Variants in NKAIN3 observed in about 807,000 individuals in gnomAD.
NKAIN3 encodes sodium/potassium transporting ATPase interacting 3.
Under a neutral mutation model 30.2 loss-of-function variants are expected in NKAIN3, and 25 were observed. That is an observed-to-expected ratio of 0.83 (90% CI 0.60 to 1.16). The LOEUF (loss-of-function observed/expected upper bound fraction) is 1.16. Among genes scored for constraint, NKAIN3 ranks in the 50% most tolerant of loss-of-function variants. The pLI, the probability that NKAIN3 is intolerant of heterozygous loss-of-function variation, is 0.00. For missense variants in NKAIN3, 225 were observed against 254.1 expected (o/e 0.89, Z 0.78); for synonymous variants, 91 against 89.6 (o/e 1.02, Z -0.09).
chr8:62,775,355 A>T (rs1219949635), intron 4 of NKAIN3, among the ~76,000 whole-genome samples: 1 of 151,856 alleles, frequency 6.6e-6, no homozygotes, highest in African/African-American at 2.4e-5. Flanking sequence ...CAAAAAACAA[A>T]ATTTTCATTT....
intron 1 of NKAIN3, among the ~76,000 whole-genome samples, chr8:62,268,150 C>T (rs998707327): frequency 6.6e-6 from 1 of 152,168 alleles, no homozygotes; most frequent in Non-Finnish European, 1.5e-5. Flanking sequence ...TGATGTTTCT[C>T]AGGTTCCCTT....
intron 1 of NKAIN3, among the ~76,000 whole-genome samples, chr8:62,566,414 T>C (rs1344776659): frequency 5.9e-5 from 9 of 152,020 alleles, no homozygotes; most frequent in Non-Finnish European, 1.2e-4. Context: ...ACCTTTGTAC[T>C]CCTAGTGCTT....
intron 1 of NKAIN3, among the ~76,000 whole-genome samples, chr8:62,499,264 C>T (rs1055708472): frequency 2.6e-4 from 40 of 151,960 alleles, no homozygotes; most frequent in African/African-American, 8.9e-4. Context: ...AGTAACTGTA[C>T]TTTCTGTTCT....
At chr8:62,642,142 A>G (rs1180589829) in intron 3 of NKAIN3, among the ~76,000 whole-genome samples, 1 of 152,126 alleles carries the variant, frequency 6.6e-6, no homozygotes. Flanking sequence ...TAACGATGAC[A>G]AAAACAATGC....
chr8:62,596,029 A>T (rs1810821752), intron 3 of NKAIN3, among the ~76,000 whole-genome samples: 1 of 152,086 alleles, frequency 6.6e-6, no homozygotes, highest in Admixed American at 6.6e-5. Context: ...ACAGGCCCTG[A>T]CTATATGCTT....
chr8:62,303,617 TTATC>T (rs1168518275), intron 1 of NKAIN3, among the ~76,000 whole-genome samples: 2 of 150,644 alleles, frequency 1.3e-5, no homozygotes, highest in Non-Finnish European at 2.9e-5. Context: ...CTTTATTGCT[TTATC>T]TATCAAGTTG....
At chr8:62,704,040 C>T (rs965292220) in intron 3 of NKAIN3, among the ~76,000 whole-genome samples, 7 of 152,152 alleles carry the variant, frequency 4.6e-5, no homozygotes, top group Admixed American at 1.3e-4. Context: ...AATATGTCAA[C>T]TTACGATAAT....
chr8:62,927,570 G>T (rs1902236), intron 5 of NKAIN3, among the ~76,000 whole-genome samples: 6,032 of 152,034 alleles, frequency 0.04, 363 homozygotes, highest in African/African-American at 0.13. Flanking sequence ...TTATAGGCAT[G>T]TATTAAATTA....
intron 3 of NKAIN3, among the ~76,000 whole-genome samples, chr8:62,659,098 T>C (rs1281700840): frequency 1.3e-5 from 2 of 152,192 alleles, no homozygotes; most frequent in African/African-American, 4.8e-5. Context: ...ATGGAATCAC[T>C]TCGTCACTGG....
intron 4 of NKAIN3, among the ~76,000 whole-genome samples, chr8:62,875,456 A>G (rs1820767686): frequency 1.3e-5 from 2 of 152,214 alleles, no homozygotes; most frequent in Admixed American, 1.3e-4. Flanking sequence ...GACATTCTTC[A>G]CAGAATTAGA....
At chr8:62,622,569 C>T (rs1811649836) in intron 3 of NKAIN3, among the ~76,000 whole-genome samples, 1 of 151,910 alleles carries the variant, frequency 6.6e-6, no homozygotes. Flanking sequence ...TGCTTATTTG[C>T]TGTTGATAAA....
At position 62,589,776 on chromosome 8, in the gene NKAIN3, A is replaced by G; in HGVS notation, c.255A>G (p.Glu85=). 6.2e-7 allele frequency: 1 copy of G among 1,601,228 alleles called. No homozygotes were observed. The highest frequency in any genetic ancestry group is 8.5e-7 in the Non-Finnish European group (1 of 1,170,572). The change falls in exon 3 of 7, where the codon GAA becomes GAG. Residue 85 remains glutamate (E), a synonymous_variant. Transcript: ENST00000623646. ...TGTTCATTATCTGCTTTTATTTGGA[A>G]GTAGGTGGACTCTCAAAGGTGAGTT... ...WNVFIICFYL[E]VGGLSKDTDL...
At chr8:62,629,251 C>T (rs1306058362) in intron 3 of NKAIN3, among the ~76,000 whole-genome samples, 1 of 152,142 alleles carries the variant, frequency 6.6e-6, no homozygotes, top group Admixed American at 6.6e-5. Flanking sequence ...ATCCTCACCT[C>T]TACCCTTTTT....
chr8:62,689,618 C>T (rs1011887522), intron 3 of NKAIN3, among the ~76,000 whole-genome samples: 5 of 152,080 alleles, frequency 3.3e-5, no homozygotes, highest in African/African-American at 1.2e-4. Flanking sequence ...CTTTCCCTTT[C>T]TTTGTAAAAT....
intron 3 of NKAIN3, among the ~76,000 whole-genome samples, chr8:62,703,716 A>G (rs1814422704): frequency 6.6e-6 from 1 of 152,168 alleles, no homozygotes; most frequent in South Asian, 2.1e-4. Context: ...GTGCACAGGA[A>G]GTACATTTGT....
At chr8:62,486,127 C>T (rs1039916678) in intron 1 of NKAIN3, among the ~76,000 whole-genome samples, 7 of 152,116 alleles carry the variant, frequency 4.6e-5, no homozygotes, top group Non-Finnish European at 7.4e-5. Flanking sequence ...AAAGAGAGAA[C>T]GCTGAGGACA....
intron 5 of NKAIN3, among the ~76,000 whole-genome samples, chr8:62,932,360 G>A (rs1822648342): frequency 6.6e-6 from 1 of 152,210 alleles, no homozygotes; most frequent in Non-Finnish European, 1.5e-5. Context: ...ACAGAAGAGT[G>A]AAATGCAGAT....
At chr8:62,334,161 T>G (rs1351343101) in intron 1 of NKAIN3, among the ~76,000 whole-genome samples, 2 of 152,148 alleles carry the variant, frequency 1.3e-5, no homozygotes, top group African/African-American at 4.8e-5. Flanking sequence ...TGCTACCTGA[T>G]GTAGGAGACT....
At chr8:62,850,324 T>C (rs1215452026) in intron 4 of NKAIN3, among the ~76,000 whole-genome samples, 1 of 152,136 alleles carries the variant, frequency 6.6e-6, no homozygotes, top group Non-Finnish European at 1.5e-5. Flanking sequence ...CTTGTAAATT[T>C]GTTGGAGTTC....
Sources: gnomAD v4.1 joint callset for allele counts (sites outside exome capture counted in the v4.1 genomes callset) on GRCh38, gnomAD v4.1.1 for gene constraint, MANE v1.5 for transcripts, NCBI Gene and HGNC (gene_info 2026-07-23, HGNC 2026-07-21) for gene names.